The following SYT1 variants were observed in gnomAD, a reference collection of about 807,000 sequenced individuals.
SYT1 encodes synaptotagmin-1.
A neutral mutation model predicts 44.8 loss-of-function variants in SYT1; 8 were observed. The observed-to-expected ratio is 0.18, with a 90% CI of 0.10 to 0.32. The LOEUF is 0.32. Among genes scored for constraint, SYT1 ranks in the 10% least tolerant of loss-of-function variants. The pLI is 1.00. For missense variants in SYT1, 286 were observed against 509.3 expected (o/e 0.56, Z 4.22); for synonymous variants, 154 against 188.8 (o/e 0.82, Z 1.51).
intron 4 of SYT1, among the ~76,000 whole-genome samples, chr12:79,252,100 C>T (rs1431778473): frequency 6.6e-6 from 1 of 151,740 alleles, no homozygotes; most frequent in East Asian, 1.9e-4. Context: ...TGTTAGTTAC[C>T]AGCATAGATT....
chr12:79,087,554 A>T (rs1877465950), intron 3 of SYT1, among the ~76,000 whole-genome samples: 1 of 152,100 alleles, frequency 6.6e-6, no homozygotes, highest in Non-Finnish European at 1.5e-5. Context: ...TCCTGTCCTC[A>T]GAGAGTTCCT....
At chr12:79,283,119 C>T (rs889832079) in intron 4 of SYT1, among the ~76,000 whole-genome samples, 1 of 152,092 alleles carries the variant, frequency 6.6e-6, no homozygotes, top group Non-Finnish European at 1.5e-5. Flanking sequence ...TGATATATGA[C>T]TAATGAGTGA....
intron 3 of SYT1, among the ~76,000 whole-genome samples, chr12:79,201,940 T>C (rs1873813644): frequency 6.6e-6 from 1 of 152,144 alleles, no homozygotes; most frequent in Admixed American, 6.6e-5. Flanking sequence ...TCAGTAAGTA[T>C]GAAAAAAGTC....
At chr12:79,232,395 CTCT>C (rs1381574688) in intron 4 of SYT1, among the ~76,000 whole-genome samples, 2 of 152,186 alleles carry the variant, frequency 1.3e-5, no homozygotes. Context: ...CTCTAGCCTC[CTCT>C]TCAACTGTTC....
chr12:79,267,976 A>G (rs1878220387), intron 4 of SYT1, among the ~76,000 whole-genome samples: 1 of 152,228 alleles, frequency 6.6e-6, no homozygotes, highest in Admixed American at 6.5e-5. Context: ...TTTGACCAAT[A>G]CATGTGCAGA....
At chr12:79,297,237 A>T (rs1879919328) in intron 7 of SYT1, among the ~76,000 whole-genome samples, 1 of 152,290 alleles carries the variant, frequency 6.6e-6, no homozygotes, top group East Asian at 1.9e-4. Flanking sequence ...CTTATTTAAA[A>T]TCTGGTTTTT....
At chr12:79,323,954 T>C (rs1223185472) in intron 8 of SYT1, among the ~76,000 whole-genome samples, 4 of 144,454 alleles carry the variant, frequency 2.8e-5, no homozygotes, top group East Asian at 4.0e-4. Flanking sequence ...TTTTCTTTTT[T>C]TTTTTTTTTT....
chr12:78,943,208 G>T (rs536650922), intron 1 of SYT1, among the ~76,000 whole-genome samples: 24 of 152,254 alleles, frequency 1.6e-4, no homozygotes, highest in Admixed American at 1.2e-3. Flanking sequence ...GAGTCTCATT[G>T]TGTTAGGCTG....
chr12:79,227,244 AAGG>A (rs1032036436), intron 4 of SYT1, among the ~76,000 whole-genome samples: 2 of 152,160 alleles, frequency 1.3e-5, no homozygotes, highest in Admixed American at 6.5e-5. Flanking sequence ...TTTTTAAAAA[AAGG>A]AGAAGGAAAT....
At chr12:79,114,566 G>A (rs1879180058) in intron 3 of SYT1, among the ~76,000 whole-genome samples, 2 of 152,136 alleles carry the variant, frequency 1.3e-5, no homozygotes, top group Admixed American at 6.5e-5. Context: ...CTTTACCTCT[G>A]GGGTTTTATC....
chr12:78,950,813 T>C (rs573011947), intron 1 of SYT1, among the ~76,000 whole-genome samples: 12 of 152,190 alleles, frequency 7.9e-5, no homozygotes, highest in Admixed American at 5.9e-4. Flanking sequence ...AGCACAAAAA[T>C]TGTGCTGTTC....
intron 2 of SYT1, among the ~76,000 whole-genome samples, chr12:79,024,484 TA>T (rs986467690): frequency 1.7e-3 from 259 of 151,968 alleles, no homozygotes; most frequent in African/African-American, 5.6e-3. Context: ...TCTAGGGCTA[TA>T]AACTCATTTA....
At chr12:79,027,328 A>G (rs1248346675) in intron 2 of SYT1, among the ~76,000 whole-genome samples, 1 of 151,410 alleles carries the variant, frequency 6.6e-6, no homozygotes, top group Non-Finnish European at 1.5e-5. Flanking sequence ...ATTTTTCTTC[A>G]TAGCCATTAT....
At chr12:79,035,237 A>T (rs1873054631) in intron 2 of SYT1, among the ~76,000 whole-genome samples, 1 of 151,620 alleles carries the variant, frequency 6.6e-6, no homozygotes, top group African/African-American at 2.4e-5. Flanking sequence ...TAAATACATA[A>T]TTTTCTCTTC....
rs1878130118 is a variant in SYT1, at chr12:79,096,362, T to A, written c.-18+49000T>A. The stretch of plus-strand genomic sequence containing the variant: ...CCCTCTGAATAGCCGTCTCAAAATA[T>A]GCCAAAGAGGTACACTCTGAGGTGA... On this transcript the variant is annotated intron_variant, in intron 3 of 10. Coordinates refer to ENST00000261205, the MANE Select transcript of SYT1 (RefSeq NM_005639.3). Among the ~76,000 whole-genome samples the A allele has an allele frequency of 2.0e-5, 3 of 152,080 alleles. No individual in the cohort carries two copies. The South Asian group carries it at 6.2e-4, about 32-fold the overall frequency.
chr12:79,349,361 G>A (rs1313997034), intron 8 of SYT1, among the ~76,000 whole-genome samples: 2 of 152,034 alleles, frequency 1.3e-5, no homozygotes, highest in East Asian at 3.9e-4. Flanking sequence ...GTTGAGGGGA[G>A]GGATTGGTAT....
At chr12:79,287,991 T>C (rs1481857021) in intron 5 of SYT1, among the ~76,000 whole-genome samples, 2 of 152,154 alleles carry the variant, frequency 1.3e-5, no homozygotes, top group Admixed American at 1.3e-4. Context: ...TTTGTCTACA[T>C]AGGACATTAG....
chr12:79,257,827 T>A (rs929431527), intron 4 of SYT1, among the ~76,000 whole-genome samples: 5 of 152,158 alleles, frequency 3.3e-5, no homozygotes, highest in Non-Finnish European at 4.4e-5. Context: ...CTCATATACT[T>A]TTGGAAATGG....
intron 4 of SYT1, among the ~76,000 whole-genome samples, chr12:79,233,744 T>C (rs1876010029): frequency 6.6e-6 from 1 of 152,374 alleles, no homozygotes; most frequent in Admixed American, 6.5e-5. Flanking sequence ...TATTTTGCAT[T>C]AAGTAGTCTT....
Sources: allele counts gnomAD v4.1 joint callset (sites outside exome capture counted in the v4.1 genomes callset), GRCh38; gene constraint gnomAD v4.1.1; transcripts MANE v1.5; gene names NCBI Gene and HGNC (gene_info 2026-07-23, HGNC 2026-07-21).